The following BNC2 variants were observed in gnomAD, a reference collection of about 807,000 sequenced individuals.
The protein encoded by BNC2 is zinc finger protein basonuclin-2.
BNC2 carries 20 observed loss-of-function variants against 76.3 expected under a neutral mutation model. The ratio of observed to expected loss-of-function variants is 0.26; its 90% CI spans 0.18 to 0.38. The LOEUF (loss-of-function observed/expected upper bound fraction) is 0.38, where lower values mean the gene tolerates loss of function less well. Among genes scored for constraint, BNC2 ranks in the 10% least tolerant of loss-of-function variants. The probability of loss-of-function intolerance (pLI) is 1.00; values close to 1 mark genes in which losing one functional copy is unlikely to be tolerated. For missense variants in BNC2, 1,382 were observed against 1,399.8 expected (o/e 0.99, Z 0.20); for synonymous variants, 582 against 514.8 (o/e 1.13, Z -1.77).
At chr9:16,519,241 G>A (rs1461999560) in intron 5 of BNC2, among the ~76,000 whole-genome samples, 2 of 152,160 alleles carry the variant, frequency 1.3e-5, no homozygotes, top group Non-Finnish European at 2.9e-5. Flanking sequence ...TAGAGGGGAG[G>A]GATAGGTATG....
At chr9:16,618,495 C>T (rs949440805) in intron 3 of BNC2, among the ~76,000 whole-genome samples, 13 of 152,092 alleles carry the variant, frequency 8.5e-5, no homozygotes, top group African/African-American at 2.9e-4. Context: ...TCAGAGCTCT[C>T]CCTTTATTTA....
chr9:16,479,993 G>C (rs1033392138), intron 5 of BNC2, among the ~76,000 whole-genome samples: 1 of 152,184 alleles, frequency 6.6e-6, no homozygotes. Flanking sequence ...AATAAGTATA[G>C]CAGCTATTAT....
intron 1 of BNC2, among the ~76,000 whole-genome samples, chr9:16,853,193 G>A (rs777782945): frequency 2.0e-5 from 3 of 151,944 alleles, no homozygotes; most frequent in Admixed American, 6.6e-5. Context: ...CCAGGCAGGC[G>A]GATCACTTAA....
At chr9:16,582,387 GCACA>G (rs139621175) in intron 4 of BNC2, among the ~76,000 whole-genome samples, 1 of 152,114 alleles carries the variant, frequency 6.6e-6, no homozygotes, top group African/African-American at 2.4e-5. Context: ...CCCCACCCCA[GCACA>G]CACCTACACA....
At chr9:16,665,891 G>GA (rs1208569543) in intron 3 of BNC2, among the ~76,000 whole-genome samples, 6 of 151,558 alleles carry the variant, frequency 4.0e-5, no homozygotes, top group Middle Eastern at 3.4e-3. Flanking sequence ...GTAACTAATT[G>GA]AAAAAAACAC....
chr9:16,733,566 A>C (rs1824575815), intron 2 of BNC2, among the ~76,000 whole-genome samples: 2 of 152,134 alleles, frequency 1.3e-5, no homozygotes, highest in African/African-American at 4.8e-5. Flanking sequence ...AAAAAAGAAA[A>C]CTACACACAC....
chr9:16,760,228 G>A (rs1825514503), intron 1 of BNC2, among the ~76,000 whole-genome samples: 1 of 152,078 alleles, frequency 6.6e-6, no homozygotes. Flanking sequence ...TCCTCAAGGT[G>A]AGTAGTATTT....
At chr9:16,777,511 T>C (rs1038060658) in intron 1 of BNC2, among the ~76,000 whole-genome samples, 1 of 151,902 alleles carries the variant, frequency 6.6e-6, no homozygotes, top group Admixed American at 6.6e-5. Context: ...CCATCCTGGC[T>C]TACACAGTGA....
chr9:16,419,745 G>C lies in BNC2; in HGVS notation c.2640-96C>G, dbSNP rs187988729. On this transcript the variant is annotated intron_variant, in intron 6 of 6. Coordinates refer to ENST00000380672, the MANE Select transcript of BNC2 (RefSeq NM_017637.6). The stretch of plus-strand genomic sequence containing the variant: ...TTAAAATTGATTCAGCTTTCACTAG[G>C]TATCAAATAAGCACATTCACTTCTA... 3,107 of 829,840 alleles carry C rather than the reference G, an allele frequency of 3.7e-3. 11 individuals are homozygous for C. The highest frequency in any genetic ancestry group is 4.4e-3 in the Admixed American group (234 of 53,200). The allele number at this position is 829,840 out of a possible 1,614,324, so 51.4% of individuals were successfully genotyped here. A position where few individuals can be genotyped will look rare whatever the true frequency, so the allele number is the denominator to read the frequency against.
At chr9:16,640,943 C>A (rs150660549) in intron 3 of BNC2, among the ~76,000 whole-genome samples, 1 of 152,096 alleles carries the variant, frequency 6.6e-6, no homozygotes, top group Non-Finnish European at 1.5e-5. Context: ...AGAAGCAGTA[C>A]GTTCACAGCT....
chr9:16,622,389 T>C (rs1163577643), intron 3 of BNC2, among the ~76,000 whole-genome samples: 1 of 152,176 alleles, frequency 6.6e-6, no homozygotes, highest in Non-Finnish European at 1.5e-5. Context: ...TTACTAATCA[T>C]GATGAATAAA....
At chr9:16,424,033 T>C (rs548543328) in intron 6 of BNC2, among the ~76,000 whole-genome samples, 109 of 152,274 alleles carry the variant, frequency 7.2e-4, no homozygotes, top group African/African-American at 2.6e-3. Flanking sequence ...GTTCCTTTGA[T>C]GAAAACTTTA....
chr9:16,460,386 G>A (rs1821548945), intron 5 of BNC2, among the ~76,000 whole-genome samples: 2 of 152,016 alleles, frequency 1.3e-5, no homozygotes, highest in Non-Finnish European at 1.5e-5. Flanking sequence ...ACTTTGGGAG[G>A]CCAAGGCGGG....
At chr9:16,628,208 G>C (rs1023259677) in intron 3 of BNC2, among the ~76,000 whole-genome samples, 2 of 152,140 alleles carry the variant, frequency 1.3e-5, no homozygotes, top group Admixed American at 1.3e-4. Flanking sequence ...AGAACAAGCC[G>C]GCTCATCTGA....
intron 1 of BNC2, among the ~76,000 whole-genome samples, chr9:16,866,259 TAA>T (rs1277365277): frequency 1.1e-4 from 17 of 152,304 alleles, no homozygotes; most frequent in Non-Finnish European, 4.4e-5. Flanking sequence ...TGATCCATAA[TAA>T]GTCAGGTTTA....
intron 3 of BNC2, among the ~76,000 whole-genome samples, chr9:16,665,488 A>AAGAAAGAG (rs1370606458): frequency 1.0e-3 from 137 of 135,598 alleles, no homozygotes; most frequent in African/African-American, 3.0e-3. Context: ...GAAAGAAAGA[A>AAGAAAGAG]AGAGAGAGAG....
At chr9:16,451,285 GC>G (rs1821334715) in intron 5 of BNC2, among the ~76,000 whole-genome samples, 2 of 152,170 alleles carry the variant, frequency 1.3e-5, no homozygotes, top group African/African-American at 4.8e-5. Flanking sequence ...CAATATAAAT[GC>G]CAAAAGGTAC....
chr9:16,816,231 T>C (rs75190086), intron 1 of BNC2, among the ~76,000 whole-genome samples: 1,692 of 152,262 alleles, frequency 0.011, 35 homozygotes, highest in African/African-American at 0.038. Flanking sequence ...CCCCCGTGTT[T>C]GGACAATACT....
In BNC2 at chr9:16,850,454, G is replaced by C. The variant is rs149203245; in HGVS notation, c.3+20192C>G. 1.1e-3 allele frequency among the ~76,000 whole-genome samples: 173 copies of C among 152,324 alleles called. 1 individual carries two copies. The highest frequency in any genetic ancestry group is 3.8e-3 in the African/African-American group (160 of 41,576). ...ATCAATGTCAAAATTGTCAGCTTAA[G>C]ACACTGTACTTCTTCCAACAATGCT... On this transcript the variant is annotated intron_variant, in intron 1 of 6. Transcript: ENST00000380672.
Sources: allele counts gnomAD v4.1 joint callset (sites outside exome capture counted in the v4.1 genomes callset), GRCh38; gene constraint gnomAD v4.1.1; transcripts MANE v1.5; gene names NCBI Gene and HGNC (gene_info 2026-07-23, HGNC 2026-07-21).